Variants in PCDH11X observed in about 807,000 individuals in gnomAD.
PCDH11X encodes protocadherin-11 X-linked.
Under a neutral mutation model 53.3 loss-of-function variants are expected in PCDH11X, and 18 were observed. The observed-to-expected ratio is 0.34, with a 90% CI of 0.23 to 0.50. The LOEUF (loss-of-function observed/expected upper bound fraction) is 0.50. Ranked by LOEUF, PCDH11X falls within the 20% of genes least tolerant of loss-of-function variation. The probability of loss-of-function intolerance (pLI) is 0.98; values close to 1 mark genes in which losing one functional copy is unlikely to be tolerated. For missense variants in PCDH11X, 570 were observed against 1,032.4 expected, an observed-to-expected ratio of 0.55 and a Z score of 6.14; for synonymous variants, 279 against 393.3, an observed-to-expected ratio of 0.71 and a Z score of 3.44.
chrX:92,255,540 T>G (rs2067557800), intron 7 of PCDH11X, among the ~76,000 whole-genome samples: 1 of 108,421 alleles, frequency 9.2e-6, no homozygotes, highest in African/African-American at 3.4e-5. Context: ...TTTCCAGTTT[T>G]TCTGTTCTGT....
chrX:92,531,563 A>C (rs1488734913), intron 10 of PCDH11X, among the ~76,000 whole-genome samples: 2 of 110,162 alleles, frequency 1.8e-5, no homozygotes, highest in Non-Finnish European at 3.8e-5. Context: ...TGACATATGA[A>C]GTTTTTTAAT....
At chrX:92,601,966 C>G (rs1264191256) in intron 10 of PCDH11X, among the ~76,000 whole-genome samples, 1 of 111,901 alleles carries the variant, frequency 8.9e-6, no homozygotes. Context: ...GAACATTGTG[C>G]CTAGTTGCCC....
At chrX:91,948,414 T>C (rs2061601255) in intron 6 of PCDH11X, among the ~76,000 whole-genome samples, 2 of 108,398 alleles carry the variant, frequency 1.8e-5, no homozygotes, top group African/African-American at 6.6e-5. Flanking sequence ...CTAGGGGTAA[T>C]GGACTGTGGG....
In PCDH11X at chrX:92,225,817, A is replaced by G. The variant is rs918069801; in HGVS notation, c.3114+24362A>G. Among the ~76,000 whole-genome samples the G allele has an allele frequency of 4.5e-5, 5 of 111,831 alleles. No individual in the cohort carries two copies. In the East Asian group the frequency reaches 1.4e-3, roughly 31 times the overall value. ...GTTTATGTGAGAATTTCTTTTGTAT[A>G]TTTTTCTCTTTTTAAGCAAAGTATG... On this transcript the variant is annotated intron_variant, in intron 7 of 10. Transcript: ENST00000682573.
intron 6 of PCDH11X, among the ~76,000 whole-genome samples, chrX:91,999,566 A>C (rs2147958546): frequency 9.0e-6 from 1 of 111,059 alleles, no homozygotes; most frequent in Non-Finnish European, 1.9e-5. Context: ...TAGAAGAAAA[A>C]ATAAAATATT....
intron 6 of PCDH11X, among the ~76,000 whole-genome samples, chrX:92,193,487 T>A (rs2066236549): frequency 9.0e-6 from 1 of 111,477 alleles, no homozygotes; most frequent in East Asian, 2.8e-4. Context: ...CTATAGTATA[T>A]TTATCTCCAT....
At chrX:92,095,242 C>T (rs965686812) in intron 6 of PCDH11X, among the ~76,000 whole-genome samples, 3 of 110,761 alleles carry the variant, frequency 2.7e-5, no homozygotes, top group African/African-American at 6.6e-5. Flanking sequence ...ATTTCATATC[C>T]TCTCTTTGTC....
intron 6 of PCDH11X, among the ~76,000 whole-genome samples, chrX:92,001,723 C>G (rs1366883745): frequency 9.0e-6 from 1 of 111,022 alleles, no homozygotes; most frequent in Non-Finnish European, 1.9e-5. Context: ...CCACCTCAGC[C>G]TCCCAAATTG....
At chrX:92,013,634 A>G (rs1186465048) in intron 6 of PCDH11X, among the ~76,000 whole-genome samples, 1 of 111,787 alleles carries the variant, frequency 8.9e-6, no homozygotes, top group African/African-American at 3.3e-5. Flanking sequence ...TTCAAACTAT[A>G]CTACAAGGCT....
At chrX:91,879,569 A>C (rs1424862326) in intron 6 of PCDH11X, 52 of 1,052,070 alleles carry the variant, frequency 4.9e-5, no homozygotes, top group Non-Finnish European at 6.2e-5. Context: ...TTCAACACAA[A>C]GGGTTGTAGC....
intron 10 of PCDH11X, among the ~76,000 whole-genome samples, chrX:92,486,343 T>C (rs1157470726): frequency 9.0e-6 from 1 of 111,705 alleles, no homozygotes; most frequent in Non-Finnish European, 1.9e-5. Flanking sequence ...ATTAGTTTTT[T>C]ATAGTTTGAA....
intron 10 of PCDH11X, among the ~76,000 whole-genome samples, chrX:92,604,098 A>T (rs1187705676): frequency 9.2e-6 from 1 of 109,031 alleles, no homozygotes; most frequent in Non-Finnish European, 1.9e-5. Context: ...AGGTAGAAGC[A>T]AAGTATTGGA....
At chrX:91,874,093 G>C (rs1396647940) in intron 5 of PCDH11X, among the ~76,000 whole-genome samples, 1 of 110,853 alleles carries the variant, frequency 9.0e-6, no homozygotes, top group South Asian at 3.7e-4. Context: ...TAAAAGAATA[G>C]TATTAAGTGC....
intron 4 of PCDH11X, among the ~76,000 whole-genome samples, chrX:91,820,735 G>T (rs1209133812): frequency 2.0e-5 from 2 of 102,414 alleles, no homozygotes; most frequent in African/African-American, 4.5e-5. Context: ...TTTTAGACAT[G>T]AAGTCCTTGC....
intron 4 of PCDH11X, among the ~76,000 whole-genome samples, chrX:91,820,960 T>G (rs868103929): frequency 2.8e-5 from 3 of 108,866 alleles, no homozygotes; most frequent in Non-Finnish European, 5.7e-5. Context: ...TTTTCTCAAG[T>G]TTGTCAAAGA....
chrX:92,490,714 A>G (rs1341935772), intron 10 of PCDH11X, among the ~76,000 whole-genome samples: 3 of 98,429 alleles, frequency 3.0e-5, no homozygotes, highest in Admixed American at 1.2e-4. Flanking sequence ...GAGAAAAAGA[A>G]AGAAAGAAAG....
rs1461766681 is a variant in PCDH11X, at chrX:92,517,899, A to C, written c.3367+49577A>C. Among the ~76,000 whole-genome samples the C allele has an allele frequency of 5.9e-4, 65 of 110,419 alleles. 5 individuals are homozygous for C. Among genetic ancestry groups the C allele is most frequent in the Non-Finnish European group, 5.7e-5 (3 of 52,811 alleles). On this transcript the variant is annotated intron_variant, in intron 10 of 10. Transcript: ENST00000682573. ...GTTACTGTTTTCATATATCAAGTCC[A>C]TCAAACTATACTCTGTAATTGTTGA...
At chrX:91,886,833 T>A (rs1167514785) in intron 6 of PCDH11X, among the ~76,000 whole-genome samples, 5 of 107,453 alleles carry the variant, frequency 4.7e-5, no homozygotes, top group Non-Finnish European at 9.6e-5. Context: ...TAGCTGGGCG[T>A]GGTGGCGGGC....
intron 6 of PCDH11X, among the ~76,000 whole-genome samples, chrX:91,957,584 G>A (rs2525349): frequency 9.0e-6 from 1 of 110,687 alleles, no homozygotes; most frequent in East Asian, 2.9e-4. Context: ...CCCATACCTG[G>A]AAGTATCACC....
Sources: allele counts gnomAD v4.1 joint callset (sites outside exome capture counted in the v4.1 genomes callset), GRCh38; gene constraint gnomAD v4.1.1; transcripts MANE v1.5; gene names NCBI Gene and HGNC (gene_info 2026-07-23, HGNC 2026-07-21).